The following SETD4 variants were observed in gnomAD, a reference collection of about 807,000 sequenced individuals.
The protein encoded by SETD4 is SET domain-containing protein 4.
Under a neutral mutation model 58.3 loss-of-function variants are expected in SETD4, and 46 were observed. That is an observed-to-expected ratio of 0.79 (90% CI 0.62 to 1.01). SETD4 has a LOEUF of 1.01. Ranked by LOEUF, SETD4 falls within the 50% of genes least tolerant of loss-of-function variation. The pLI is 0.00. For synonymous variants in SETD4, 190 were observed against 202.6 expected (o/e 0.94, Z 0.53); for missense variants, 490 against 523.3 (o/e 0.94, Z 0.62).
chr21:36,048,967 C>G (rs1003498356), intron 4 of SETD4, among the ~76,000 whole-genome samples: 5 of 152,056 alleles, frequency 3.3e-5, no homozygotes, highest in African/African-American at 1.2e-4. Flanking sequence ...CAATAGTAAA[C>G]AGACAGAAAC....
intron 9 of SETD4, among the ~76,000 whole-genome samples, chr21:36,039,062 TG>T (rs1034904412): frequency 2.6e-5 from 4 of 151,714 alleles, no homozygotes; most frequent in Non-Finnish European, 4.4e-5. Context: ...TCAGAACAGC[TG>T]GCAAGACACA....
chr21:36,042,239 G>GT (rs1012821223), intron 7 of SETD4: 1 of 164,020 alleles, frequency 6.1e-6, no homozygotes, highest in African/African-American at 2.4e-5. Context: ...ATGAGGAAAG[G>GT]TTTACAATAC....
intron 4 of SETD4, chr21:36,050,578 A>C: frequency 5.6e-6 from 9 of 1,613,984 alleles, no homozygotes; most frequent in Non-Finnish European, 7.6e-6. Flanking sequence ...ACATTTCAAG[A>C]GTTGGCTGGC....
At chr21:36,040,284 C>T (rs2063984457) in intron 9 of SETD4, among the ~76,000 whole-genome samples, 1 of 152,222 alleles carries the variant, frequency 6.6e-6, no homozygotes, top group Admixed American at 6.5e-5. Flanking sequence ...CCAATGCCCA[C>T]ACTTTTTAAA....
intron 3 of SETD4, among the ~76,000 whole-genome samples, chr21:36,056,748 G>C (rs1461786142): frequency 6.6e-6 from 1 of 152,050 alleles, no homozygotes; most frequent in African/African-American, 2.4e-5. Flanking sequence ...AGTAGAGACA[G>C]GATGTTGTCA....
chr21:36,048,101 G>GAGGAAGGCAGGCAGGC (rs2064440028), intron 5 of SETD4, among the ~76,000 whole-genome samples: 1 of 135,074 alleles, frequency 7.4e-6, no homozygotes, highest in African/African-American at 2.7e-5. Context: ...GGGAGGGAGG[G>GAGGAAGGCAGGCAGGC]AGGAAGGCAG....
At chr21:36,057,491 A>G (rs2123781885) in intron 2 of SETD4, 1 of 611,682 alleles carries the variant, frequency 1.6e-6, no homozygotes, top group East Asian at 2.8e-5. Context: ...AAAAAAAAAA[A>G]AAATACAATA....
chr21:36,040,657 T>C lies in SETD4; in HGVS notation c.984-2A>G. On this transcript the variant is annotated splice_acceptor_variant, in intron 8 of 11. Coordinates refer to ENST00000332131, the MANE Select transcript of SETD4 (RefSeq NM_017438.5). LOFTEE classifies it high-confidence loss of function. ...CCATCCCATCCAAATGTCAAATTTCTGAAGTAGAAAAACAAATAATGACAA... is the reference window on the plus strand; with the variant it reads ...CCATCCCATCCAAATGTCAAATTTCCGAAGTAGAAAAACAAATAATGACAA... The C allele has an allele frequency of 6.2e-7, 1 of 1,612,938 alleles. No individual in the cohort carries two copies. Among genetic ancestry groups the C allele is most frequent in the Non-Finnish European group, 8.5e-7 (1 of 1,179,024 alleles).
intron 9 of SETD4, among the ~76,000 whole-genome samples, chr21:36,038,531 A>G (rs866764524): frequency 6.6e-6 from 1 of 152,106 alleles, no homozygotes. Flanking sequence ...GCTGAATGTT[A>G]TTATCATCAC....
At chr21:36,051,156 C>A in intron 4 of SETD4, 1 of 1,559,528 alleles carries the variant, frequency 6.4e-7, no homozygotes, top group Non-Finnish European at 8.8e-7. Flanking sequence ...CCAGCTCACC[C>A]AGCGTATGTC....
chr21:36,043,345 C>T (rs1440885221), intron 7 of SETD4: 2 of 473,886 alleles, frequency 4.2e-6, no homozygotes, highest in Non-Finnish European at 2.8e-6. Flanking sequence ...TGGCAACAAC[C>T]TCCAGAAACA....
At position 36,048,302 on chromosome 21, in the gene SETD4, A is replaced by G; in HGVS notation, c.296+6T>C. 6.2e-7 allele frequency: 1 copy of G among 1,613,396 alleles called. No individual in the cohort carries two copies. The highest frequency in any genetic ancestry group is 8.5e-7 in the Non-Finnish European group (1 of 1,179,326). On this transcript the variant is annotated splice_donor_region_variant and intron_variant, in intron 5 of 11. Transcript: ENST00000332131. Reference sequence around the variant, plus strand: ...GCACCAGGTAAGCAAGTGTGTGGTCACTTACTTAGTAATGTATGCCCCTAA... The same window carrying G: ...GCACCAGGTAAGCAAGTGTGTGGTCGCTTACTTAGTAATGTATGCCCCTAA...
Position 36,058,943 on chromosome 21 carries a change from C to A in SETD4, c.-36-19G>T. 1.3e-6 allele frequency: 2 copies of A among 1,527,070 alleles called. No homozygotes were observed. The highest frequency in any genetic ancestry group is 1.8e-6 in the Non-Finnish European group (2 of 1,137,214). The allele number at this position is 1,527,070 out of a possible 1,614,324, so 94.6% of individuals were successfully genotyped here. A position where few individuals can be genotyped will look rare whatever the true frequency, so the allele number is the denominator to read the frequency against. ...TACAGTTCTATTTTTTCAAAAAGGA[C>A]AAAACTGTAATTTCTGTGGAAATGC... is the stretch of plus-strand genomic sequence containing the variant. On this transcript the variant is annotated intron_variant, in intron 1 of 11. Transcript: ENST00000332131.
At position 36,043,921 on chromosome 21, in the gene SETD4, G is replaced by A. The variant is rs141938699; in HGVS notation, c.762C>T (p.Tyr254=). 4.6e-5 allele frequency: 74 copies of A among 1,614,092 alleles called. No individual in the cohort carries two copies. Among genetic ancestry groups the A allele is most frequent in the Middle Eastern group, 3.3e-4 (2 of 6,062 alleles). ...TCCAACGTGAAGTCGTTCTAATTTC[G>A]TAAGAATGAGTTTCTTCATTAAACG... ...KAAFNEETHS[Y]EIRTTSRWRK... is the part of the protein sequence containing the mutation. Residue 254 remains tyrosine (Y), a synonymous_variant, in exon 7 of 12, where the codon TAC becomes TAT. Transcript: ENST00000332131.
chr21:36,049,615 T>A (rs954880922), intron 4 of SETD4, among the ~76,000 whole-genome samples: 1 of 152,192 alleles, frequency 6.6e-6, no homozygotes, highest in African/African-American at 2.4e-5. Context: ...GGTTTCCTCA[T>A]CTGTAAAGCA....
chr21:36,050,223 A>G, intron 4 of SETD4: 1 of 1,234,856 alleles, frequency 8.1e-7, no homozygotes, highest in Non-Finnish European at 1.2e-6. Context: ...CAAGATCTGT[A>G]GTTACGTGGC....
chr21:36,043,166 C>A, intron 7 of SETD4: 1 of 152,516 alleles, frequency 6.6e-6, no homozygotes, highest in Non-Finnish European at 1.5e-5. Context: ...GAGGCTAAGG[C>A]ACAAGAATCA....
At chr21:36,039,761 T>C (rs986760404) in intron 9 of SETD4, among the ~76,000 whole-genome samples, 12 of 152,224 alleles carry the variant, frequency 7.9e-5, no homozygotes, top group Non-Finnish European at 1.8e-4. Flanking sequence ...AAACTATGTC[T>C]AGTGTTGAGA....
intron 9 of SETD4, among the ~76,000 whole-genome samples, chr21:36,040,048 G>C (rs904132692): frequency 6.6e-6 from 1 of 152,136 alleles, no homozygotes. Flanking sequence ...TGGATGTGTC[G>C]ACAGGGGGCT....
Sources: gnomAD v4.1 joint callset for allele counts (sites outside exome capture counted in the v4.1 genomes callset) on GRCh38, gnomAD v4.1.1 for gene constraint, MANE v1.5 for transcripts, NCBI Gene and HGNC (gene_info 2026-07-23, HGNC 2026-07-21) for gene names.